Variants in KCNK10 observed in about 807,000 individuals in gnomAD.
The protein encoded by KCNK10 is potassium channel subfamily K member 10.
KCNK10 carries 25 observed loss-of-function variants against 47.7 expected under a neutral mutation model. The observed-to-expected ratio is 0.52, with a 90% confidence interval of 0.38 to 0.73. The LOEUF (loss-of-function observed/expected upper bound fraction) is 0.73, where lower values mean the gene tolerates loss of function less well. KCNK10 is among the 30% of genes least tolerant of loss of function. The pLI is 0.00. For synonymous variants in KCNK10, 303 were observed against 285.6 expected, an observed-to-expected ratio of 1.06 and a Z score of -0.61; for missense variants, 563 against 714.5, an observed-to-expected ratio of 0.79 and a Z score of 2.42.
intron 4 of KCNK10, among the ~76,000 whole-genome samples, chr14:88,204,010 G>C (rs1281666811): frequency 6.6e-6 from 1 of 152,236 alleles, no homozygotes; most frequent in Non-Finnish European, 1.5e-5. Context: ...TTATCAACGT[G>C]TTAGTGGTGG....
chr14:88,320,014 C>G (rs987879942), intron 1 of KCNK10, among the ~76,000 whole-genome samples: 4 of 152,218 alleles, frequency 2.6e-5, no homozygotes, highest in African/African-American at 7.2e-5. Flanking sequence ...CCTCACTCCT[C>G]ACTCTCTTCC....
chr14:88,184,237 G>A lies in KCNK10; in HGVS notation c.*1298C>T, dbSNP rs1204940011. On this transcript the variant is annotated 3_prime_UTR_variant, in exon 7 of 7. Coordinates refer to ENST00000319231, the MANE Select transcript of KCNK10 (RefSeq NM_138317.3). ...GTTTGCCTGGGAACAATCAGTCTAGGGTGTTCCAGTTTTAGTGAGTAACCG... is the reference window on the plus strand; with the variant it reads ...GTTTGCCTGGGAACAATCAGTCTAGAGTGTTCCAGTTTTAGTGAGTAACCG... 2 of 152,222 alleles carry A rather than the reference G, an allele frequency of 1.3e-5. No individual in the cohort carries two copies. Among genetic ancestry groups the A allele is most frequent in the African/African-American group, 4.8e-5 (2 of 41,394 alleles). 9.4% of individuals were successfully genotyped at this position (152,222 alleles called of 1,614,324 possible).
chr14:88,185,426 T>C lies in KCNK10; in HGVS notation c.*109A>G. 2 of 1,414,516 alleles carry C rather than the reference T, an allele frequency of 1.4e-6. No individual in the cohort carries two copies. The highest frequency in any genetic ancestry group is 2.8e-5 in the South Asian group (2 of 70,376). The allele number at this position is 1,414,516 out of a possible 1,614,324, so 87.6% of individuals were successfully genotyped here. A position where few individuals can be genotyped will look rare whatever the true frequency, so the allele number is the denominator to read the frequency against. On this transcript the variant is annotated 3_prime_UTR_variant, in exon 7 of 7. Coordinates refer to ENST00000319231, the MANE Select transcript of KCNK10 (RefSeq NM_138317.3). This position sits in a 1 kb window ranked among gnomAD's most constrained non-coding sequence, Gnocchi z 4.3. ...CAGTGAAATATATTCTTCAATGCTATGTAATTTTGGACTAAAAAGTCTGTT... is the reference window on the plus strand; with the variant it reads ...CAGTGAAATATATTCTTCAATGCTACGTAATTTTGGACTAAAAAGTCTGTT...
At chr14:88,202,262 T>A (rs1315291324) in intron 4 of KCNK10, among the ~76,000 whole-genome samples, 1 of 152,192 alleles carries the variant, frequency 6.6e-6, no homozygotes, top group African/African-American at 2.4e-5. Flanking sequence ...CACTCCACTA[T>A]CATGCTGTGA....
At chr14:88,202,453 C>A (rs1393106854) in intron 4 of KCNK10, among the ~76,000 whole-genome samples, 2 of 152,206 alleles carry the variant, frequency 1.3e-5, no homozygotes, top group African/African-American at 4.8e-5. Flanking sequence ...TATGAGGAGA[C>A]AAGCATGTGA....
rs34318518 is a variant in KCNK10 at position 88,212,109 on chromosome 14, A to AATATATATATATATATATATATATAT, written c.681+15265_681+15266insATATATATATATATATATATATATAT. 2.0e-3 allele frequency among the ~76,000 whole-genome samples: 266 copies of AATATATATATATATATATATATATAT among 133,134 alleles called. 1 individual carries two copies. The highest frequency in any genetic ancestry group is 3.7e-3 in the East Asian group (14 of 3,772). The allele number at this position is 133,134 out of a possible 152,430, so 87.3% of individuals were successfully genotyped here. A position where few individuals can be genotyped will look rare whatever the true frequency, so the allele number is the denominator to read the frequency against. On this transcript the variant is annotated intron_variant, in intron 4 of 6. Coordinates refer to ENST00000319231, the MANE Select transcript of KCNK10 (RefSeq NM_138317.3). ...ACTTTTGGTACTAACTGATAGTGAG[A>AATATATATATATATATATATATATAT]ATATATATATATATATATATATCGA...
At position 88,186,062 on chromosome 14, in the gene KCNK10, C is replaced by T. The variant is rs1388738317; in HGVS notation, c.1105G>A (p.Asp369Asn). Residue 369 changes from aspartate (D) to asparagine (N), a missense_variant, in exon 7 of 7, where the codon GAT becomes AAT. By Grantham distance (23) the Asp-to-Asn change is conservative. Transcript: ENST00000319231. The surrounding 1 kb of genome is among the most constrained non-coding windows in gnomAD (Gnocchi z 5.5). ...ATGGTGGCCGCCCGCTGCAGCTTATCGTGGATCTCCACGCTGAGCCTTCGC... is the reference window on the plus strand; with the variant it reads ...ATGGTGGCCGCCCGCTGCAGCTTATTGTGGATCTCCACGCTGAGCCTTCGC... ...TRRRLSVEIH[D>N]KLQRAATIRS... is the part of the protein sequence containing the mutation. 5 of 1,612,748 alleles carry T rather than the reference C, an allele frequency of 3.1e-6. No individual in the cohort carries two copies. The highest frequency in any genetic ancestry group is 1.3e-5 in the African/African-American group (1 of 74,892).
chr14:88,192,341 C>G lies in KCNK10; in HGVS notation c.751G>C (p.Val251Leu). The change falls in exon 5 of 7, where the codon GTG becomes CTG. Residue 251 changes from valine (V) to leucine (L), a missense_variant. Physicochemically the swap from Val to Leu is conservative, Grantham distance 32. Transcript: ENST00000319231. ...TILFILAGCI[V>L]FVTIPAVIFK... ...ATGACAGCAGGGATCGTCACAAACACAATGCAGCCGGCCAAGATGAACAGG... is the reference window on the plus strand; with the variant it reads ...ATGACAGCAGGGATCGTCACAAACAGAATGCAGCCGGCCAAGATGAACAGG... The G allele has an allele frequency of 6.2e-7, 1 of 1,614,156 alleles. No individual in the cohort carries two copies. Among genetic ancestry groups the G allele is most frequent in the Non-Finnish European group, 8.5e-7 (1 of 1,180,020 alleles).
At chr14:88,313,201 T>C (rs1205955204) in intron 1 of KCNK10, among the ~76,000 whole-genome samples, 1 of 152,246 alleles carries the variant, frequency 6.6e-6, no homozygotes, top group Non-Finnish European at 1.5e-5. Context: ...GGATTATGAA[T>C]AGGATTATAT....
intron 1 of KCNK10, among the ~76,000 whole-genome samples, chr14:88,302,494 G>A (rs1369498554): frequency 1.3e-5 from 2 of 152,220 alleles, no homozygotes; most frequent in Admixed American, 1.3e-4. Flanking sequence ...TGGATCACCT[G>A]AGGTCAGGAG....
chr14:88,290,415 C>T (rs543076071), intron 1 of KCNK10, among the ~76,000 whole-genome samples: 1 of 152,298 alleles, frequency 6.6e-6, no homozygotes, highest in African/African-American at 2.4e-5. Context: ...ATATGATAAA[C>T]TTGTGTTGTT....
Position 88,239,338 on chromosome 14 carries a change from T to C in KCNK10, c.520+1365A>G, listed in dbSNP as rs1291607705. Among the ~76,000 whole-genome samples, 8 of 152,190 alleles carry C rather than the reference T, an allele frequency of 5.3e-5. No individual in the cohort carries two copies. The East Asian group carries it at 1.5e-3, about 29-fold the overall frequency. On this transcript the variant is annotated intron_variant, in intron 3 of 6. Transcript: ENST00000319231. ...GGGAAAGGAAATTGAGATGCTAAGTTCACTGACTGCCTTATATGTAATAGC... is the reference window on the plus strand; with the variant it reads ...GGGAAAGGAAATTGAGATGCTAAGTCCACTGACTGCCTTATATGTAATAGC...
intron 4 of KCNK10, among the ~76,000 whole-genome samples, chr14:88,221,800 A>G (rs116264444): frequency 0.04 from 6,105 of 152,330 alleles, 407 homozygotes; most frequent in African/African-American, 0.14. Context: ...GAAGCAAACA[A>G]GATGTCCTTC....
chr14:88,208,169 C>T (rs543656267), intron 4 of KCNK10, among the ~76,000 whole-genome samples: 2 of 152,222 alleles, frequency 1.3e-5, no homozygotes, highest in Non-Finnish European at 2.9e-5. Context: ...TTTTTTATTT[C>T]CCTAAAAATA....
chr14:88,214,297 AAAG>A (rs1441125814), intron 4 of KCNK10, among the ~76,000 whole-genome samples: 3 of 152,202 alleles, frequency 2.0e-5, no homozygotes, highest in African/African-American at 7.2e-5. Context: ...GAGCCCAGAA[AAAG>A]AAGAATGCTT....
At chr14:88,280,597 A>T (rs1887629287) in intron 1 of KCNK10, among the ~76,000 whole-genome samples, 1 of 152,026 alleles carries the variant, frequency 6.6e-6, no homozygotes, top group Non-Finnish European at 1.5e-5. Context: ...AGTTGACCCA[A>T]CCAAAAAAGG....
chr14:88,186,174 A>C lies in KCNK10; in HGVS notation c.1012-19T>G. On this transcript the variant is annotated intron_variant, in intron 6 of 6. Transcript: ENST00000319231. This position sits in a 1 kb window ranked among gnomAD's most constrained non-coding sequence, Gnocchi z 5.5. The stretch of plus-strand genomic sequence containing the variant: ...CACCCACCTGGCCAAGAGACAGAAG[A>C]GCAACAATATGCTGACAAATGCCTC... 6.4e-7 allele frequency: 1 copy of C among 1,560,208 alleles called. No homozygotes were observed. The highest frequency in any genetic ancestry group is 8.7e-7 in the Non-Finnish European group (1 of 1,152,854).
chr14:88,207,801 C>T (rs1885330337), intron 4 of KCNK10, among the ~76,000 whole-genome samples: 1 of 152,062 alleles, frequency 6.6e-6, no homozygotes, highest in Non-Finnish European at 1.5e-5. Flanking sequence ...GGATGCCCAC[C>T]ATCAATACAG....
chr14:88,326,319 A>T, upstream of KCNK10: 6 of 901,020 alleles, frequency 6.7e-6, no homozygotes, highest in South Asian at 1.4e-5. Flanking sequence ...ATGGAGGGAG[A>T]CCTCCCTCCC....
Sources: gnomAD v4.1 joint callset for allele counts (sites outside exome capture counted in the v4.1 genomes callset) on GRCh38, gnomAD v4.1.1 for gene constraint, Gnocchi (gnomAD v3.1) non-coding constraint, MANE v1.5 for transcripts, NCBI Gene and HGNC (gene_info 2026-07-23, HGNC 2026-07-21) for gene names.